Variants in ADAMTS17 observed in about 807,000 individuals in gnomAD.
ADAMTS17 encodes the protein A disintegrin and metalloproteinase with thrombospondin motifs 17.
ADAMTS17 carries 113 observed loss-of-function variants against 141.5 expected under a neutral mutation model. The ratio of observed to expected loss-of-function variants is 0.80; its 90% CI spans 0.69 to 0.93. The LOEUF is 0.93. Among genes scored for constraint, ADAMTS17 ranks in the 40% least tolerant of loss-of-function variants. ADAMTS17 has a pLI of 0.00. For synonymous variants in ADAMTS17, 768 were observed against 630.6 expected, an observed-to-expected ratio of 1.22 and a Z score of -3.27; for missense variants, 1,659 against 1,517.9, an observed-to-expected ratio of 1.09 and a Z score of -1.54.
chr15:100,036,086 G>C (rs958486627), intron 18 of ADAMTS17, among the ~76,000 whole-genome samples: 1 of 152,226 alleles, frequency 6.6e-6, no homozygotes, highest in Admixed American at 6.5e-5. Flanking sequence ...TTTCTATGAG[G>C]CTGCAAAGAT....
intron 19 of ADAMTS17, among the ~76,000 whole-genome samples, chr15:99,996,215 C>T (rs1215778153): frequency 2.6e-5 from 4 of 152,048 alleles, no homozygotes; most frequent in Non-Finnish European, 4.4e-5. Context: ...CCACCATGCC[C>T]GGCTAATTTT....
At chr15:100,278,528 G>A (rs990829322) in intron 4 of ADAMTS17, among the ~76,000 whole-genome samples, 1 of 152,056 alleles carries the variant, frequency 6.6e-6, no homozygotes, top group Non-Finnish European at 1.5e-5. Context: ...AGAAGAGCCT[G>A]GCATATGAGG....
At chr15:100,196,812 G>A (rs2041135758) in intron 8 of ADAMTS17, among the ~76,000 whole-genome samples, 1 of 152,198 alleles carries the variant, frequency 6.6e-6, no homozygotes, top group South Asian at 2.1e-4. Flanking sequence ...AACCAGAGGG[G>A]CCTGCTGACG....
chr15:100,259,404 G>T (rs1445191757), intron 6 of ADAMTS17, among the ~76,000 whole-genome samples: 1 of 152,206 alleles, frequency 6.6e-6, no homozygotes, highest in African/African-American at 2.4e-5. Context: ...ATTGCAAAGT[G>T]CCTTGAGCAA....
chr15:100,084,234 C>T (rs1252538670), intron 15 of ADAMTS17, among the ~76,000 whole-genome samples: 8 of 152,198 alleles, frequency 5.3e-5, no homozygotes, highest in African/African-American at 1.4e-4. Context: ...CCCACAGAGC[C>T]TCGCTCATTG....
chr15:100,207,137 T>C (rs185751412), intron 7 of ADAMTS17, among the ~76,000 whole-genome samples: 32 of 152,180 alleles, frequency 2.1e-4, no homozygotes, highest in African/African-American at 7.7e-4. Flanking sequence ...GTCAGCAAGG[T>C]GGGGCCCTGA....
At position 100,048,925 on chromosome 15, in the gene ADAMTS17, A is replaced by G; in HGVS notation, c.2523T>C (p.Ser841=). Residue 841 remains serine, a synonymous_variant, in exon 18 of 22, where the codon AGT becomes AGC. Transcript: ENST00000268070. The stretch of plus-strand genomic sequence containing the variant: ...CTGGGCGGCTTGCTTGAGGGCAGTC[A>G]CTGTCGTTCACCAGAGTTGTGGTCT... ...VNKTTTLVND[S]DCPQASRPEP... 6.2e-7 allele frequency: 1 copy of G among 1,614,152 alleles called. No homozygotes were observed. Among genetic ancestry groups the G allele is most frequent in the Non-Finnish European group, 8.5e-7 (1 of 1,180,026 alleles).
At chr15:100,039,339 T>C (rs996542078) in intron 18 of ADAMTS17, among the ~76,000 whole-genome samples, 1 of 152,230 alleles carries the variant, frequency 6.6e-6, no homozygotes, top group African/African-American at 2.4e-5. Context: ...GTTAGTTTAC[T>C]GATTTGAAAT....
chr15:100,042,540 G>T (rs2727159), intron 18 of ADAMTS17, among the ~76,000 whole-genome samples: 99,181 of 152,084 alleles, frequency 0.65, 33,914 homozygotes, highest in Non-Finnish European at 0.77. Flanking sequence ...AGTTGAAGAC[G>T]TTTACCTTTT....
intron 15 of ADAMTS17, among the ~76,000 whole-genome samples, chr15:100,081,506 C>T (rs1343208045): frequency 1.3e-5 from 2 of 152,272 alleles, no homozygotes; most frequent in South Asian, 4.1e-4. Flanking sequence ...AATTATATGG[C>T]ATGTGAATTC....
intron 4 of ADAMTS17, among the ~76,000 whole-genome samples, chr15:100,271,145 A>C (rs1222756902): frequency 6.6e-6 from 1 of 152,150 alleles, no homozygotes; most frequent in Non-Finnish European, 1.5e-5. Flanking sequence ...CTACGCATCC[A>C]TCTGTGGACA....
rs533129733 is a variant in ADAMTS17 at position 100,294,352 on chromosome 15, G to A, written c.617-12951C>T. ...AACACTCACCAAAAACTTGCCTTCC[G>A]TATTTCCTACTCTGCAGGAGGCATG... On this transcript the variant is annotated intron_variant, in intron 3 of 21. Coordinates refer to ENST00000268070, the MANE Select transcript of ADAMTS17 (RefSeq NM_139057.4). Among the ~76,000 whole-genome samples the A allele has an allele frequency of 3.3e-5, 5 of 152,158 alleles. No individual in the cohort carries two copies. In the East Asian group the frequency reaches 7.7e-4, roughly 24 times the overall value.
intron 10 of ADAMTS17, among the ~76,000 whole-genome samples, chr15:100,134,895 G>A (rs1313200757): frequency 6.6e-6 from 1 of 152,206 alleles, no homozygotes; most frequent in East Asian, 1.9e-4. Context: ...ATGGTAAAAA[G>A]ATGAGAGCCC....
rs186241974 is a variant in ADAMTS17, at chr15:100,233,200, G to C, written c.1075+20936C>G. ...AAAAAATGAGTCGGGCGTGGGGACG[G>C]ACGCCTGTAACCCCAGGTACTCAGG... On this transcript the variant is annotated intron_variant, in intron 7 of 21. Transcript: ENST00000268070. Among the ~76,000 whole-genome samples the C allele has an allele frequency of 4.2e-3, 639 of 152,208 alleles. 3 individuals carry two copies. Among genetic ancestry groups the C allele is most frequent in the Admixed American group, 8.2e-3 (125 of 15,294 alleles).
chr15:100,267,954 G>T (rs534626701), intron 4 of ADAMTS17, among the ~76,000 whole-genome samples: 1 of 152,250 alleles, frequency 6.6e-6, no homozygotes, highest in Admixed American at 6.5e-5. Context: ...ATCAAATACT[G>T]TAACTTATCC....
At chr15:99,984,450 C>T (rs1411154835) in intron 20 of ADAMTS17, among the ~76,000 whole-genome samples, 4 of 152,216 alleles carry the variant, frequency 2.6e-5, no homozygotes, top group African/African-American at 9.6e-5. Flanking sequence ...AGGGACTGTT[C>T]TTCGAACACG....
At position 99,974,594 on chromosome 15, in the gene ADAMTS17, C is replaced by G. The variant is rs186946807; in HGVS notation, c.3128-32G>C. The stretch of plus-strand genomic sequence containing the variant: ...GGATAGGAGAGAGAATACCCAGGGT[C>G]AGGGATGGCCTAGGCATGTCCTGAT... On this transcript the variant is annotated intron_variant, in intron 21 of 21. Transcript: ENST00000268070. The G allele has an allele frequency of 5.6e-6, 9 of 1,613,992 alleles. No individual in the cohort carries two copies. In the East Asian group the frequency reaches 1.3e-4, roughly 24 times the overall value.
intron 7 of ADAMTS17, among the ~76,000 whole-genome samples, chr15:100,219,546 G>A (rs1368704464): frequency 6.6e-6 from 1 of 152,136 alleles, no homozygotes; most frequent in Non-Finnish European, 1.5e-5. Flanking sequence ...ATCGTCCTCA[G>A]ATAGGGCTTC....
At chr15:100,015,659 A>C (rs1414373260) in intron 18 of ADAMTS17, among the ~76,000 whole-genome samples, 1 of 152,190 alleles carries the variant, frequency 6.6e-6, no homozygotes, top group African/African-American at 2.4e-5. Flanking sequence ...TACTTGGCTG[A>C]TAATTGTTTT....
Sources: allele counts gnomAD v4.1 joint callset (sites outside exome capture counted in the v4.1 genomes callset), GRCh38; gene constraint gnomAD v4.1.1; transcripts MANE v1.5; gene names NCBI Gene and HGNC (gene_info 2026-07-23, HGNC 2026-07-21).